Variants in TUSC3 observed in about 807,000 individuals in gnomAD.
TUSC3 encodes tumor suppressor candidate 3.
In TUSC3, 45 loss-of-function variants were observed where a neutral mutation model predicts 44.8. The observed-to-expected ratio is 1.00, with a 90% CI of 0.79 to 1.29. The LOEUF (loss-of-function observed/expected upper bound fraction) is 1.29, where lower values mean the gene tolerates loss of function less well. Ranked by LOEUF, TUSC3 falls within the 50% of genes most tolerant of loss-of-function variation. The pLI, the probability that TUSC3 is intolerant of heterozygous loss-of-function variation, is 0.00. For missense variants in TUSC3, 519 were observed against 437.9 expected (o/e 1.19, Z -1.65); for synonymous variants, 212 against 152.9 (o/e 1.39, Z -2.85).
At chr8:15,643,181 A>G (rs1366952038) in intron 2 of TUSC3, among the ~76,000 whole-genome samples, 2 of 152,076 alleles carry the variant, frequency 1.3e-5, no homozygotes, top group Non-Finnish European at 2.9e-5. Flanking sequence ...GCCTTCCGCC[A>G]TGATCATGTT....
At chr8:15,606,819 A>C (rs769171663) in intron 1 of TUSC3, among the ~76,000 whole-genome samples, 6 of 152,114 alleles carry the variant, frequency 3.9e-5, no homozygotes, top group Non-Finnish European at 8.8e-5. Flanking sequence ...TATGTATTAT[A>C]AATGTGACTT....
intron 6 of TUSC3, among the ~76,000 whole-genome samples, chr8:15,722,385 G>A (rs1231754434): frequency 6.6e-6 from 1 of 151,890 alleles, no homozygotes; most frequent in East Asian, 1.9e-4. Flanking sequence ...AGAAGGGACT[G>A]AATAAGACCA....
chr8:15,745,469 T>G (rs1394827647), intron 8 of TUSC3, among the ~76,000 whole-genome samples: 2 of 152,126 alleles, frequency 1.3e-5, no homozygotes, highest in East Asian at 3.9e-4. Context: ...CACCGGTATG[T>G]GCTTTTTGAC....
At chr8:15,819,267 G>A in the TUSC3 span, among the ~76,000 whole-genome samples, 1 of 152,014 alleles carries the variant, frequency 6.6e-6, no homozygotes, top group Admixed American at 6.6e-5. Flanking sequence ...TCTCCATTGT[G>A]CACCATTTAA....
At chr8:15,744,500 G>A (rs1811322468) in intron 8 of TUSC3, among the ~76,000 whole-genome samples, 3 of 152,080 alleles carry the variant, frequency 2.0e-5, no homozygotes, top group South Asian at 4.2e-4. Flanking sequence ...ATAGGTATCT[G>A]AAAAAGAGTA....
rs573331631 is a variant in TUSC3, at chr8:15,744,259, A to G, written c.937+647A>G. ...GGACCATTTCTCTCAGAGTTGTAGA[A>G]AAACATATATGAGGTTTTTGAGAAG... On this transcript the variant is annotated intron_variant, in intron 8 of 10. Transcript: ENST00000503731. Among the ~76,000 whole-genome samples the G allele has an allele frequency of 3.9e-5, 6 of 152,320 alleles. No homozygotes were observed. In the East Asian group the frequency reaches 1.2e-3, roughly 29 times the overall value.
chr8:15,664,550 C>G (rs1245660560), intron 5 of TUSC3, among the ~76,000 whole-genome samples: 1 of 148,926 alleles, frequency 6.7e-6, no homozygotes, highest in Non-Finnish European at 1.5e-5. Context: ...TCTAAGATAC[C>G]TTGGCAGGTA....
chr8:15,540,544 C>T lies in TUSC3; in HGVS notation c.114C>T (p.Leu38=), dbSNP rs556225103. Residue 38 remains leucine (L), a synonymous_variant, in exon 1 of 11, where the codon CTC becomes CTT. Coordinates refer to ENST00000503731, the MANE Select transcript of TUSC3 (RefSeq NM_006765.4). ...TGCTGCTGCTGCTCTGCATCCAGCT[C>T]GGGGGAGGACAGAAGAAAAAGGAGG... ...LLLLLLLCIQ[L]GGGQKKKENL... 5 of 1,597,014 alleles carry T rather than the reference C, an allele frequency of 3.1e-6. No individual in the cohort carries two copies. The highest frequency in any genetic ancestry group is 1.7e-4 in the Middle Eastern group (1 of 5,998).
At chr8:15,483,656 T>TTTTTTTTTTTTTTTTTTG (rs1800695433) in intron 2 of TUSC3, among the ~76,000 whole-genome samples, 1 of 124,206 alleles carries the variant, frequency 8.1e-6, no homozygotes, top group African/African-American at 3.5e-5. Context: ...GTGATTTTTT[T>TTTTTTTTTTTTTTTTTTG]TTTTTTTTTT....
In TUSC3 at chr8:15,766,527, C is replaced by T. The variant is rs1270490406; in HGVS notation, c.*2371C>T. 1 of 151,966 alleles carries T rather than the reference C, an allele frequency of 6.6e-6. No homozygotes were observed. Among genetic ancestry groups the T allele is most frequent in the African/African-American group, 2.4e-5 (1 of 41,396 alleles). The allele number at this position is 151,966 out of a possible 1,614,324, so 9.4% of individuals were successfully genotyped here. On this transcript the variant is annotated 3_prime_UTR_variant, in exon 11 of 11. Coordinates refer to ENST00000503731, the MANE Select transcript of TUSC3 (RefSeq NM_006765.4). ...TTCTACTACAGTGGAGAGAAAAATC[C>T]CAATTATAAAATTCCACCTAAAGGA...
At chr8:15,815,650 T>A in the TUSC3 span, among the ~76,000 whole-genome samples, 12 of 152,176 alleles carry the variant, frequency 7.9e-5, no homozygotes, top group African/African-American at 2.9e-4. Flanking sequence ...GGGCAAACGT[T>A]AGACAGAGCT....
chr8:15,815,886 A>G, the TUSC3 span, among the ~76,000 whole-genome samples: 6 of 152,212 alleles, frequency 3.9e-5, no homozygotes, highest in African/African-American at 1.4e-4. Context: ...AGAATAAATT[A>G]TCATACAGAA....
At chr8:15,419,900 G>A (rs1419598386) in intron 1 of TUSC3, among the ~76,000 whole-genome samples, 4 of 152,044 alleles carry the variant, frequency 2.6e-5, no homozygotes, top group Admixed American at 2.0e-4. Context: ...TATTTGAATT[G>A]TCTTTTATAA....
At chr8:15,661,986 C>G (rs1014080904) in intron 4 of TUSC3, among the ~76,000 whole-genome samples, 170 bp from the exon 5 acceptor site, 1 of 151,952 alleles carries the variant, frequency 6.6e-6, no homozygotes, top group East Asian at 1.9e-4. Context: ...GCCATTATGT[C>G]TTAAGGCATA....
chr8:15,606,614 T>C (rs1441865181), intron 1 of TUSC3, among the ~76,000 whole-genome samples: 1 of 152,138 alleles, frequency 6.6e-6, no homozygotes, highest in Non-Finnish European at 1.5e-5. Flanking sequence ...TACTGTCTTG[T>C]TTCATACCAT....
chr8:15,466,141 C>A (rs916629050), intron 1 of TUSC3, among the ~76,000 whole-genome samples: 10 of 152,216 alleles, frequency 6.6e-5, no homozygotes, highest in African/African-American at 2.4e-4. Context: ...GTAATGACCT[C>A]ACTATTATTT....
intron 1 of TUSC3, among the ~76,000 whole-genome samples, chr8:15,596,248 T>C (rs936245691): frequency 6.6e-6 from 1 of 152,198 alleles, no homozygotes; most frequent in South Asian, 2.1e-4. Context: ...ATTTGAATAA[T>C]TGCTCAGAGA....
chr8:15,572,260 C>G (rs555671290), intron 1 of TUSC3, among the ~76,000 whole-genome samples: 59 of 152,168 alleles, frequency 3.9e-4, no homozygotes, highest in Non-Finnish European at 7.4e-4. Flanking sequence ...TAAACACTTG[C>G]TGCTTCATCT....
chr8:15,796,634 G>A, the TUSC3 span, among the ~76,000 whole-genome samples: 2,080 of 152,292 alleles, frequency 0.014, 36 homozygotes, highest in South Asian at 0.055. Context: ...GCATTTAGGG[G>A]ACCACTGTGG....
Sources: gnomAD v4.1 joint callset for allele counts (sites outside exome capture counted in the v4.1 genomes callset) on GRCh38, gnomAD v4.1.1 for gene constraint, MANE v1.5 for transcripts, NCBI Gene and HGNC (gene_info 2026-07-23, HGNC 2026-07-21) for gene names.